KCNH1: variants seen among roughly 807,000 people sequenced by gnomAD.
KCNH1 encodes the protein potassium voltage-gated channel subfamily H member 1.
In KCNH1, 27 loss-of-function variants were observed where a neutral mutation model predicts 69.2. The ratio of observed to expected loss-of-function variants is 0.39; its 90% CI spans 0.29 to 0.54. KCNH1 has a LOEUF of 0.54. Among genes scored for constraint, KCNH1 ranks in the 20% least tolerant of loss-of-function variants. The probability of loss-of-function intolerance (pLI) is 0.68; values close to 1 mark genes in which losing one functional copy is unlikely to be tolerated. For missense variants in KCNH1, 798 were observed against 1,261.6 expected (o/e 0.63, Z 5.57); for synonymous variants, 456 against 487.7 (o/e 0.93, Z 0.86).
chr1:210,720,976 C>T (rs1682440870), intron 10 of KCNH1, among the ~76,000 whole-genome samples: 1 of 152,180 alleles, frequency 6.6e-6, no homozygotes, highest in African/African-American at 2.4e-5. Context: ...ATAACTTTAG[C>T]AACCAGTATT....
intron 1 of KCNH1, among the ~76,000 whole-genome samples, chr1:211,118,233 C>G (rs906674593): frequency 6.6e-6 from 1 of 152,210 alleles, no homozygotes; most frequent in Non-Finnish European, 1.5e-5. Flanking sequence ...ATACCACACA[C>G]GTATGTGTAT....
chr1:211,024,965 C>T (rs559285004), intron 5 of KCNH1, among the ~76,000 whole-genome samples: 1 of 152,266 alleles, frequency 6.6e-6, no homozygotes, highest in Admixed American at 6.5e-5. Context: ...CAAAACAGAT[C>T]TAACTAGATT....
intron 6 of KCNH1, among the ~76,000 whole-genome samples, chr1:210,939,995 T>C (rs1324473695): frequency 6.6e-6 from 1 of 152,234 alleles, no homozygotes; most frequent in Non-Finnish European, 1.5e-5. Context: ...TTGTTTGTTG[T>C]CTTTATAAAA....
At chr1:210,794,014 G>A (rs1219978704) in intron 9 of KCNH1, among the ~76,000 whole-genome samples, 1 of 152,134 alleles carries the variant, frequency 6.6e-6, no homozygotes, top group Non-Finnish European at 1.5e-5. Context: ...ATGCATTTTG[G>A]TTGGATTGTA....
chr1:211,096,048 T>C (rs1050707502), intron 3 of KCNH1, among the ~76,000 whole-genome samples: 1 of 100,696 alleles, frequency 9.9e-6, no homozygotes, highest in African/African-American at 2.9e-5. Flanking sequence ...AAAGTATCAC[T>C]TTATTTATTT....
At chr1:211,099,350 A>G (rs896283899) in intron 3 of KCNH1, among the ~76,000 whole-genome samples, 10 of 152,166 alleles carry the variant, frequency 6.6e-5, no homozygotes, top group African/African-American at 2.2e-4. Flanking sequence ...CATGGTAAAA[A>G]TGCATTAATT....
rs538705604 is a variant in KCNH1, at chr1:210,682,840, C to T, written c.*441G>A. On this transcript the variant is annotated 3_prime_UTR_variant, in exon 11 of 11. Transcript: ENST00000271751. ...ACGGGCTGTACAAGGACGGGGATGC[C>T]GGGAAGTCCTTGGCCCACTGCAGTC... 7.5e-4 allele frequency: 124 copies of T among 165,980 alleles called. No individual in the cohort carries two copies. In the South Asian group the frequency reaches 8.1e-3, roughly 11 times the overall value. 10.3% of individuals were successfully genotyped at this position (165,980 alleles called of 1,614,324 possible).
At chr1:210,965,204 C>T (rs1169609245) in intron 6 of KCNH1, among the ~76,000 whole-genome samples, 1 of 152,148 alleles carries the variant, frequency 6.6e-6, no homozygotes, top group Non-Finnish European at 1.5e-5. Context: ...CAAGGATGCC[C>T]TCTCTCCACC....
At chr1:210,684,260 G>GT in intron 10 of KCNH1, 122 bp from the exon 11 acceptor site, 14 of 1,062,892 alleles carry the variant, frequency 1.3e-5, no homozygotes, top group Non-Finnish European at 1.7e-5. Flanking sequence ...CCAAGAGGCT[G>GT]GGGCTCACAG....
chr1:211,117,708 T>G (rs1246071297), intron 1 of KCNH1, among the ~76,000 whole-genome samples: 11 of 152,198 alleles, frequency 7.2e-5, no homozygotes, highest in African/African-American at 1.9e-4. Context: ...GATAACAAGT[T>G]GAATTCTAGT....
In KCNH1 at chr1:211,113,971, C is replaced by A. The variant is rs796865943; in HGVS notation, c.80-6594G>T. Among the ~76,000 whole-genome samples, 1,203 of 124,186 alleles carry A rather than the reference C, an allele frequency of 9.7e-3. 13 individuals are homozygous for A. Among genetic ancestry groups the A allele is most frequent in the African/African-American group, 0.033 (1,149 of 34,318 alleles). The allele number at this position is 124,186 out of a possible 152,430, so 81.5% of individuals were successfully genotyped here. ...TCTCTCTGTCTCTCTCTCTCTCTCT[C>A]TCTCACACACACACACACACACACA... On this transcript the variant is annotated intron_variant, in intron 1 of 10. Coordinates refer to ENST00000271751, the MANE Select transcript of KCNH1 (RefSeq NM_172362.3).
At chr1:210,894,590 A>G (rs1228747254) in intron 7 of KCNH1, among the ~76,000 whole-genome samples, 1 of 152,130 alleles carries the variant, frequency 6.6e-6, no homozygotes, top group African/African-American at 2.4e-5. Context: ...TATGGTCTGA[A>G]TATGTCCCTC....
At chr1:210,845,565 G>C (rs989659900) in intron 7 of KCNH1, among the ~76,000 whole-genome samples, 1 of 152,210 alleles carries the variant, frequency 6.6e-6, no homozygotes, top group Non-Finnish European at 1.5e-5. Context: ...ACTAGGTATT[G>C]ATGGGACGTA....
chr1:210,947,826 T>C (rs2102595472), intron 6 of KCNH1, among the ~76,000 whole-genome samples: 1 of 152,320 alleles, frequency 6.6e-6, no homozygotes, highest in East Asian at 1.9e-4. Flanking sequence ...TTGTTATCTG[T>C]GTGATCTTGA....
At chr1:211,055,734 T>C (rs982368034) in intron 5 of KCNH1, among the ~76,000 whole-genome samples, 3 of 152,156 alleles carry the variant, frequency 2.0e-5, no homozygotes, top group African/African-American at 7.2e-5. Flanking sequence ...CACAGTAGGA[T>C]AGGGCACCAG....
intron 6 of KCNH1, among the ~76,000 whole-genome samples, chr1:210,944,836 C>G (rs1271266212): frequency 6.6e-6 from 1 of 152,184 alleles, no homozygotes; most frequent in African/African-American, 2.4e-5. Context: ...CAAGGTTGTA[C>G]AACCATCACC....
At chr1:210,839,684 T>C (rs138967899) in intron 7 of KCNH1, among the ~76,000 whole-genome samples, 1 of 152,294 alleles carries the variant, frequency 6.6e-6, no homozygotes, top group East Asian at 1.9e-4. Flanking sequence ...CTAGGGAAAG[T>C]TCCCTGAGGG....
At chr1:210,998,896 C>A (rs1689108797) in intron 6 of KCNH1, among the ~76,000 whole-genome samples, 1 of 152,180 alleles carries the variant, frequency 6.6e-6, no homozygotes. Context: ...AACTGAACAA[C>A]CTGCTCCTGA....
intron 5 of KCNH1, among the ~76,000 whole-genome samples, chr1:211,032,149 C>A (rs1689797476): frequency 6.6e-6 from 1 of 152,160 alleles, no homozygotes; most frequent in South Asian, 2.1e-4. Context: ...CATGAGTGAA[C>A]TCCCATTCAC....
Sources: allele counts gnomAD v4.1 joint callset (sites outside exome capture counted in the v4.1 genomes callset), GRCh38; gene constraint gnomAD v4.1.1; transcripts MANE v1.5; gene names NCBI Gene and HGNC (gene_info 2026-07-23, HGNC 2026-07-21).